Variants in TBC1D32 observed in about 807,000 individuals in gnomAD.
The protein encoded by TBC1D32 is protein broad-minded.
A neutral mutation model predicts 170.3 loss-of-function variants in TBC1D32; 151 were observed. That is an observed-to-expected ratio of 0.89 (90% confidence interval 0.78 to 1.01). The LOEUF (loss-of-function observed/expected upper bound fraction) is 1.01, where lower values mean the gene tolerates loss of function less well. Among genes scored for constraint, TBC1D32 ranks in the 50% least tolerant of loss-of-function variants. The pLI is 0.00. For synonymous variants in TBC1D32, 498 were observed against 488.0 expected (o/e 1.02, Z -0.27); for missense variants, 1,464 against 1,457.1 (o/e 1.00, Z -0.08).
At chr6:121,091,683 T>C (rs565059832) in intron 30 of TBC1D32, among the ~76,000 whole-genome samples, 1 of 152,186 alleles carries the variant, frequency 6.6e-6, no homozygotes, top group East Asian at 1.9e-4. Context: ...GAAAAAACAA[T>C]AGCAATGACA....
At chr6:121,191,455 T>A (rs1790018293) in intron 22 of TBC1D32, among the ~76,000 whole-genome samples, 2 of 152,152 alleles carry the variant, frequency 1.3e-5, no homozygotes, top group Admixed American at 1.3e-4. Context: ...CAATTTTCAA[T>A]ACACATACAA....
At chr6:121,234,823 T>C (rs1047459155) in intron 20 of TBC1D32, among the ~76,000 whole-genome samples, 2 of 152,164 alleles carry the variant, frequency 1.3e-5, no homozygotes, top group Non-Finnish European at 2.9e-5. Context: ...ATTTTCTGGT[T>C]CCTTCTCATT....
In TBC1D32 at chr6:121,085,369, A is replaced by ATG. The variant is rs201503192; in HGVS notation, c.3655-4481_3655-4480dup. Among the ~76,000 whole-genome samples the ATG allele has an allele frequency of 4.7e-5, 5 of 105,798 alleles. No homozygotes were observed. The South Asian group carries it at 8.0e-4, about 17-fold the overall frequency. 69.4% of individuals were successfully genotyped at this position (105,798 alleles called of 152,430 possible). The stretch of plus-strand genomic sequence containing the variant: ...TACATACATATATATACATATATAT[A>ATG]TGTGTATATATATATATATATTCTT... On this transcript the variant is annotated intron_variant, in intron 31 of 31. Coordinates refer to ENST00000398212, the MANE Select transcript of TBC1D32 (RefSeq NM_152730.6).
chr6:121,137,865 TGTCA>T (rs997461626), intron 24 of TBC1D32, among the ~76,000 whole-genome samples: 1 of 152,008 alleles, frequency 6.6e-6, no homozygotes, highest in East Asian at 1.9e-4. Flanking sequence ...CTTTCTAGGA[TGTCA>T]GTCAGTAATT....
chr6:121,128,200 G>C (rs1417150918), intron 25 of TBC1D32, among the ~76,000 whole-genome samples: 4 of 152,262 alleles, frequency 2.6e-5, no homozygotes, highest in African/African-American at 9.6e-5. Context: ...GATTTCTACT[G>C]ATGCCTATTT....
At chr6:121,309,050 T>C (rs923545911) in intron 4 of TBC1D32, among the ~76,000 whole-genome samples, 1 of 152,086 alleles carries the variant, frequency 6.6e-6, no homozygotes, top group Admixed American at 6.5e-5. Context: ...TCAGACACTC[T>C]GAACCAGGGC....
intron 24 of TBC1D32, among the ~76,000 whole-genome samples, chr6:121,137,075 A>G (rs1338393166): frequency 1.3e-5 from 2 of 152,144 alleles, no homozygotes; most frequent in Non-Finnish European, 2.9e-5. Context: ...CCTCATTAAT[A>G]TGTCCTGATA....
At chr6:121,214,495 G>A (rs1186385728) in intron 21 of TBC1D32, among the ~76,000 whole-genome samples, 1 of 152,196 alleles carries the variant, frequency 6.6e-6, no homozygotes, top group Non-Finnish European at 1.5e-5. Context: ...GCAGCAGGGT[G>A]GGCAGCTGCA....
At chr6:121,290,381 C>T (rs1441072477) in intron 12 of TBC1D32, among the ~76,000 whole-genome samples, 2 of 151,972 alleles carry the variant, frequency 1.3e-5, no homozygotes, top group African/African-American at 4.8e-5. Context: ...TTTATGCAGC[C>T]AAAAGACACA....
At chr6:121,213,517 A>C (rs771579031) in intron 21 of TBC1D32, among the ~76,000 whole-genome samples, 35,364 of 57,736 alleles carry the variant, frequency 0.61, 8,524 homozygotes, top group Non-Finnish European at 0.66. Flanking sequence ...AATAAAATAA[A>C]ATAAAATAAA....
intron 21 of TBC1D32, among the ~76,000 whole-genome samples, chr6:121,218,989 T>G (rs1389556005): frequency 6.6e-6 from 1 of 152,176 alleles, no homozygotes; most frequent in Non-Finnish European, 1.5e-5. Context: ...CCTTTTACGT[T>G]ATCCAGTCTC....
At chr6:121,097,289 A>G (rs1190546978) in intron 30 of TBC1D32, among the ~76,000 whole-genome samples, 1 of 152,202 alleles carries the variant, frequency 6.6e-6, no homozygotes, top group Non-Finnish European at 1.5e-5. Context: ...AATTTTTGCA[A>G]TCTATCCATC....
chr6:121,304,250 T>C lies in TBC1D32; in HGVS notation c.935+115A>G, dbSNP rs538038257. 13 of 850,818 alleles carry C rather than the reference T, an allele frequency of 1.5e-5. No individual in the cohort carries two copies. In the East Asian group the frequency reaches 2.9e-4, roughly 19 times the overall value. The allele number at this position is 850,818 out of a possible 1,614,324, so 52.7% of individuals were successfully genotyped here. ...AAAATAAAAATAAAAATTTTATTAATCCCTTCCCAATCAGGTAAGTCCATT... is the reference window on the plus strand; with the variant it reads ...AAAATAAAAATAAAAATTTTATTAACCCCTTCCCAATCAGGTAAGTCCATT... On this transcript the variant is annotated intron_variant, in intron 8 of 31. Transcript: ENST00000398212.
At chr6:121,100,816 TCAA>T (rs1338319738) in intron 30 of TBC1D32, among the ~76,000 whole-genome samples, 1 of 151,706 alleles carries the variant, frequency 6.6e-6, no homozygotes. Context: ...TTTGAAAAGA[TCAA>T]CAAGATTGAT....
chr6:121,225,727 G>A lies in TBC1D32; in HGVS notation c.2365-2375C>T, dbSNP rs992364090. ...CCTGAACAGAATTTTAAAGAAGTTTGAGAAGATTTCAGCAGCTTGTTTCTA... is the reference window on the plus strand; with the variant it reads ...CCTGAACAGAATTTTAAAGAAGTTTAAGAAGATTTCAGCAGCTTGTTTCTA... On this transcript the variant is annotated intron_variant, in intron 20 of 31. Transcript: ENST00000398212. Among the ~76,000 whole-genome samples, 7 of 152,062 alleles carry A rather than the reference G, an allele frequency of 4.6e-5. No homozygotes were observed. The South Asian group carries it at 6.2e-4, about 13-fold the overall frequency.
intron 24 of TBC1D32, chr6:121,139,737 GATTATA>G (rs1282027255): frequency 6.6e-6 from 1 of 152,062 alleles, no homozygotes; most frequent in Non-Finnish European, 1.5e-5. Context: ...GGCATCCTAA[GATTATA>G]ATTATAAAAC....
At chr6:121,115,392 T>A in intron 26 of TBC1D32, 151 bp from the exon 27 acceptor site, 3 of 500,114 alleles carry the variant, frequency 6.0e-6, no homozygotes, top group Non-Finnish European at 9.8e-6. Context: ...AACTGTCAGT[T>A]ACATTTTCAA....
At chr6:121,110,752 T>G (rs990726131) in intron 29 of TBC1D32, among the ~76,000 whole-genome samples, 5 of 152,090 alleles carry the variant, frequency 3.3e-5, no homozygotes, top group African/African-American at 1.2e-4. Flanking sequence ...ATAGGGGAAA[T>G]AGCAATTCAA....
intron 27 of TBC1D32, among the ~76,000 whole-genome samples, chr6:121,113,748 A>G (rs1044503327): frequency 6.6e-6 from 1 of 152,198 alleles, no homozygotes; most frequent in Non-Finnish European, 1.5e-5. Flanking sequence ...TCTGTCTTAC[A>G]AAAACTTCTG....
Sources: gnomAD v4.1 joint callset for allele counts (sites outside exome capture counted in the v4.1 genomes callset) on GRCh38, gnomAD v4.1.1 for gene constraint, MANE v1.5 for transcripts, NCBI Gene and HGNC (gene_info 2026-07-23, HGNC 2026-07-21) for gene names.